Variants in GALNTL6 observed in about 807,000 individuals in gnomAD.
GALNTL6 encodes the protein polypeptide N-acetylgalactosaminyltransferase-like 6.
In GALNTL6, 46 loss-of-function variants were observed where a neutral mutation model predicts 73.7. The observed-to-expected ratio is 0.62, with a 90% CI of 0.49 to 0.80. The LOEUF (loss-of-function observed/expected upper bound fraction) is 0.80, where lower values mean the gene tolerates loss of function less well. GALNTL6 is among the 30% of genes least tolerant of loss of function. The probability of loss-of-function intolerance (pLI) is 0.00; values close to 1 mark genes in which losing one functional copy is unlikely to be tolerated. For missense variants in GALNTL6, 604 were observed against 755.0 expected, an observed-to-expected ratio of 0.80 and a Z score of 2.34; for synonymous variants, 259 against 263.7, an observed-to-expected ratio of 0.98 and a Z score of 0.17.
chr4:172,146,659 C>T (rs528919766), intron 2 of GALNTL6, among the ~76,000 whole-genome samples: 27 of 152,210 alleles, frequency 1.8e-4, no homozygotes, highest in African/African-American at 6.5e-4. Context: ...CTATAATGAT[C>T]GGTATGGTTT....
At chr4:172,262,914 A>AT (rs527773455) in intron 3 of GALNTL6, among the ~76,000 whole-genome samples, 46 of 151,262 alleles carry the variant, frequency 3.0e-4, no homozygotes, top group Middle Eastern at 3.4e-3. Context: ...TTGGCTGACA[A>AT]TTTTTTTTGT....
intron 2 of GALNTL6, among the ~76,000 whole-genome samples, chr4:172,204,022 A>C (rs1736032142): frequency 6.6e-6 from 1 of 152,184 alleles, no homozygotes; most frequent in South Asian, 2.1e-4. Flanking sequence ...CTAGGATTAC[A>C]GGCATGAGCC....
At chr4:172,148,287 G>T (rs1438048530) in intron 2 of GALNTL6, among the ~76,000 whole-genome samples, 1 of 152,088 alleles carries the variant, frequency 6.6e-6, no homozygotes, top group African/African-American at 2.4e-5. Context: ...CTACTTGATT[G>T]TTTTCATACG....
At chr4:172,238,071 C>T (rs1231211168) in intron 3 of GALNTL6, among the ~76,000 whole-genome samples, 1 of 152,034 alleles carries the variant, frequency 6.6e-6, no homozygotes, top group Non-Finnish European at 1.5e-5. Context: ...TATTCAGGCT[C>T]TTTTTTGGTT....
intron 2 of GALNTL6, among the ~76,000 whole-genome samples, chr4:172,021,066 T>A (rs778141433): frequency 1.8e-4 from 27 of 152,180 alleles, no homozygotes; most frequent in African/African-American, 5.5e-4. Flanking sequence ...ATAATTTCAA[T>A]TGATGCTAAA....
intron 2 of GALNTL6, among the ~76,000 whole-genome samples, chr4:171,944,098 T>C (rs529792894): frequency 2.3e-4 from 35 of 151,964 alleles, no homozygotes; most frequent in African/African-American, 8.2e-4. Flanking sequence ...AATCAAATGA[T>C]AAGAAAAAAA....
chr4:172,850,839 A>T (rs1190703773), intron 7 of GALNTL6, among the ~76,000 whole-genome samples: 3 of 152,184 alleles, frequency 2.0e-5, no homozygotes, highest in African/African-American at 7.2e-5. Flanking sequence ...ATCATAAAGG[A>T]TATTACAAAG....
At chr4:172,340,809 G>A (rs1741532596) in intron 4 of GALNTL6, among the ~76,000 whole-genome samples, 2 of 152,168 alleles carry the variant, frequency 1.3e-5, no homozygotes, top group African/African-American at 4.8e-5. Context: ...TGAATGATAG[G>A]TATTGTTTCC....
At chr4:172,361,544 G>T (rs1463073608) in intron 5 of GALNTL6, among the ~76,000 whole-genome samples, 1 of 152,092 alleles carries the variant, frequency 6.6e-6, no homozygotes, top group African/African-American at 2.4e-5. Context: ...TGGATTCTGG[G>T]TCTGTACTTA....
intron 5 of GALNTL6, among the ~76,000 whole-genome samples, chr4:172,419,669 G>T (rs662762): frequency 0.041 from 6,221 of 152,134 alleles, 409 homozygotes; most frequent in African/African-American, 0.14. Flanking sequence ...GAGAAGTGAG[G>T]ACGACATACA....
intron 5 of GALNTL6, among the ~76,000 whole-genome samples, chr4:172,617,500 C>T (rs1009697330): frequency 4.0e-5 from 6 of 150,856 alleles, no homozygotes; most frequent in African/African-American, 1.5e-4. Flanking sequence ...TTTTTGAGAC[C>T]GATTCTCGCT....
At chr4:172,051,216 G>A (rs1047912441) in intron 2 of GALNTL6, among the ~76,000 whole-genome samples, 4 of 152,096 alleles carry the variant, frequency 2.6e-5, no homozygotes, top group Non-Finnish European at 5.9e-5. Context: ...CAGGAGCTGA[G>A]GTGAGTGCTT....
intron 9 of GALNTL6, among the ~76,000 whole-genome samples, chr4:172,932,022 C>T (rs554037288): frequency 6.6e-6 from 1 of 152,238 alleles, no homozygotes; most frequent in African/African-American, 2.4e-5. Flanking sequence ...TGCTGAGAAT[C>T]GAAATCTAGA....
At chr4:172,327,209 A>G (rs1740972860) in intron 4 of GALNTL6, among the ~76,000 whole-genome samples, 1 of 152,040 alleles carries the variant, frequency 6.6e-6, no homozygotes, top group Middle Eastern at 3.2e-3. Context: ...CATGGTTTTG[A>G]GAAATATTTT....
At chr4:172,913,129 T>C (rs903677239) in intron 8 of GALNTL6, among the ~76,000 whole-genome samples, 2 of 151,954 alleles carry the variant, frequency 1.3e-5, no homozygotes, top group Non-Finnish European at 2.9e-5. Flanking sequence ...TCCAGCAAAC[T>C]CCAACAGATC....
chr4:172,336,512 G>A (rs1383951633), intron 4 of GALNTL6, among the ~76,000 whole-genome samples: 1 of 150,970 alleles, frequency 6.6e-6, no homozygotes, highest in East Asian at 2.0e-4. Context: ...CCTGACCTCA[G>A]GATCCGCCCA....
At chr4:172,221,230 A>G (rs999585802) in intron 2 of GALNTL6, among the ~76,000 whole-genome samples, 1 of 151,782 alleles carries the variant, frequency 6.6e-6, no homozygotes, top group African/African-American at 2.4e-5. Flanking sequence ...GTTTCCCTTT[A>G]GTTGTAACAC....
chr4:172,926,694 T>G (rs985725495), intron 8 of GALNTL6, among the ~76,000 whole-genome samples: 2 of 152,210 alleles, frequency 1.3e-5, no homozygotes, highest in African/African-American at 4.8e-5. Context: ...TAAGAAAGTT[T>G]CTTTGCCTTG....
At chr4:171,985,344 G>A (rs929817867) in intron 2 of GALNTL6, among the ~76,000 whole-genome samples, 9 of 152,238 alleles carry the variant, frequency 5.9e-5, no homozygotes, top group East Asian at 1.9e-4. Context: ...AAAGCCAACC[G>A]ATCTCATGAG....
Sources: gnomAD v4.1 joint callset for allele counts (sites outside exome capture counted in the v4.1 genomes callset) on GRCh38, gnomAD v4.1.1 for gene constraint, MANE v1.5 for transcripts, NCBI Gene and HGNC (gene_info 2026-07-23, HGNC 2026-07-21) for gene names.